ARSJ: variants seen among roughly 807,000 people sequenced by gnomAD.
ARSJ encodes arylsulfatase J.
A neutral mutation model predicts 35.9 loss-of-function variants in ARSJ; 26 were observed. The observed-to-expected ratio is 0.72, with a 90% CI of 0.53 to 1.00. The LOEUF (loss-of-function observed/expected upper bound fraction) is 1.00. Among genes scored for constraint, ARSJ ranks in the 50% least tolerant of loss-of-function variants. The probability of loss-of-function intolerance (pLI) is 0.00; values close to 1 mark genes in which losing one functional copy is unlikely to be tolerated. For synonymous variants in ARSJ, 294 were observed against 267.6 expected, an observed-to-expected ratio of 1.10 and a Z score of -0.96; for missense variants, 667 against 723.6, an observed-to-expected ratio of 0.92 and a Z score of 0.90.
intron 1 of ARSJ, among the ~76,000 whole-genome samples, chr4:113,907,115 A>G (rs1054775876): frequency 3.9e-5 from 6 of 152,234 alleles, no homozygotes; most frequent in African/African-American, 9.6e-5. Flanking sequence ...AAGAGTTAAT[A>G]TCAGTACTTT....
chr4:113,915,411 C>A (rs1259708705), intron 1 of ARSJ, among the ~76,000 whole-genome samples: 1 of 152,096 alleles, frequency 6.6e-6, no homozygotes, highest in Admixed American at 6.6e-5. Context: ...TAAAGCTACT[C>A]TCATTTAGAG....
chr4:113,928,733 A>T (rs764187001), intron 1 of ARSJ, among the ~76,000 whole-genome samples: 1 of 152,158 alleles, frequency 6.6e-6, no homozygotes, highest in Non-Finnish European at 1.5e-5. Flanking sequence ...CCACTGTTAG[A>T]TCTGACATAC....
chr4:113,947,791 T>C (rs1230887214), intron 1 of ARSJ, among the ~76,000 whole-genome samples: 1 of 152,186 alleles, frequency 6.6e-6, no homozygotes, highest in Non-Finnish European at 1.5e-5. Flanking sequence ...AGAAATTATA[T>C]ACTTTTTTAA....
intron 1 of ARSJ, among the ~76,000 whole-genome samples, chr4:113,969,639 T>C (rs1275431722): frequency 1.3e-5 from 2 of 152,188 alleles, no homozygotes; most frequent in Non-Finnish European, 2.9e-5. Context: ...ATGAAAACAA[T>C]GCATCTCAGA....
rs1189662232 is a variant in ARSJ, at chr4:113,978,859, C to A, written c.-25G>T. The A allele has an allele frequency of 6.4e-7, 1 of 1,564,870 alleles. No homozygotes were observed. The highest frequency in any genetic ancestry group is 8.6e-7 in the Non-Finnish European group (1 of 1,158,600). On this transcript the variant is annotated 5_prime_UTR_variant, in exon 1 of 2. Transcript: ENST00000315366. ...TTCACTCAGGTCCCAGGTGAGACTC[C>A]ACGCGGAGAACCACGCGCCCCGCGC...
At chr4:113,958,380 G>T (rs1208005389) in intron 1 of ARSJ, among the ~76,000 whole-genome samples, 2 of 152,016 alleles carry the variant, frequency 1.3e-5, no homozygotes, top group East Asian at 1.9e-4. Flanking sequence ...TGCATTACCA[G>T]CAGCACAAAA....
intron 1 of ARSJ, among the ~76,000 whole-genome samples, chr4:113,908,138 T>G (rs1046728770): frequency 1.3e-5 from 2 of 152,214 alleles, no homozygotes; most frequent in Middle Eastern, 6.3e-3. Flanking sequence ...ACATGACAAT[T>G]AAATGCAATA....
intron 1 of ARSJ, chr4:113,970,429 T>C (rs1727168164): frequency 6.6e-6 from 1 of 152,248 alleles, no homozygotes; most frequent in Non-Finnish European, 1.5e-5. Context: ...AATGTGGACA[T>C]TTGTGAAATA....
At chr4:113,967,485 G>T (rs1726966988) in intron 1 of ARSJ, among the ~76,000 whole-genome samples, 1 of 152,102 alleles carries the variant, frequency 6.6e-6, no homozygotes, top group African/African-American at 2.4e-5. Flanking sequence ...AGATAAGAAA[G>T]AATGGTCTTT....
At chr4:113,959,249 T>C (rs1288557086) in intron 1 of ARSJ, among the ~76,000 whole-genome samples, 3 of 151,998 alleles carry the variant, frequency 2.0e-5, no homozygotes, top group Non-Finnish European at 4.4e-5. Flanking sequence ...TAATTTCTGT[T>C]TACCCTCAGT....
In ARSJ at chr4:113,924,932, T is replaced by C. The variant is rs181579079; in HGVS notation, c.399-21257A>G. Among the ~76,000 whole-genome samples, 732 of 152,284 alleles carry C rather than the reference T, an allele frequency of 4.8e-3. 11 individuals are homozygous for C. The highest frequency in any genetic ancestry group is 0.017 in the African/African-American group (707 of 41,564). ...CAAGCACCTCAGCAGGTTGTGGTTT[T>C]TTTTCCTGGTGGACTGACCCAAACC... On this transcript the variant is annotated intron_variant, in intron 1 of 1. Transcript: ENST00000315366.
Position 113,978,974 on chromosome 4 carries a change from G to A in ARSJ, c.-140C>T. On this transcript the variant is annotated 5_prime_UTR_variant, in exon 1 of 2. Coordinates refer to ENST00000315366, the MANE Select transcript of ARSJ (RefSeq NM_024590.4). ...TCTCCTCTCAGCTGTCACCATGTCC[G>A]ACAACTTTAATCTTCCAGAAGTGAT... 2 of 879,984 alleles carry A rather than the reference G, an allele frequency of 2.3e-6. No homozygotes were observed. Among genetic ancestry groups the A allele is most frequent in the Non-Finnish European group, 3.4e-6 (2 of 586,688 alleles). 54.5% of individuals were successfully genotyped at this position (879,984 alleles called of 1,614,324 possible).
intron 1 of ARSJ, among the ~76,000 whole-genome samples, chr4:113,930,697 A>T (rs1594434662): frequency 1.3e-5 from 2 of 151,752 alleles, no homozygotes; most frequent in East Asian, 3.9e-4. Context: ...AGGACTATAA[A>T]TCATGCTGCT....
chr4:113,927,510 C>G (rs1317762343), intron 1 of ARSJ, among the ~76,000 whole-genome samples: 1 of 152,168 alleles, frequency 6.6e-6, no homozygotes, highest in Non-Finnish European at 1.5e-5. Flanking sequence ...TTGATTTACC[C>G]CTGACATAGG....
At chr4:113,940,299 C>T (rs1314584859) in intron 1 of ARSJ, among the ~76,000 whole-genome samples, 1 of 152,122 alleles carries the variant, frequency 6.6e-6, no homozygotes, top group Non-Finnish European at 1.5e-5. Flanking sequence ...ACATGGAATA[C>T]TATGCAGCCT....
chr4:113,978,480 G>A lies in ARSJ; in HGVS notation c.355C>T (p.Gln119Ter), dbSNP rs1325614279. 2 of 1,613,904 alleles carry A rather than the reference G, an allele frequency of 1.2e-6. No individual in the cohort carries two copies. The highest frequency in any genetic ancestry group is 1.7e-6 in the Non-Finnish European group (2 of 1,179,814). ...CTCCTGGATGGTGTGCAAATAGGCT[G>A]GACATAGTAGTTCTCCAGTTTAACT... ...EGVKLENYYV[Q>*]PICTPSRSQF... is the part of the protein sequence containing the mutation. The change falls in exon 1 of 2, where the codon CAG (glutamine) becomes TAG (stop). Residue 119 changes from glutamine (Q) to a stop codon, truncating the protein, a stop_gained. Transcript: ENST00000315366. LOFTEE classifies it high-confidence loss of function.
At chr4:113,921,681 T>A (rs1723689541) in intron 1 of ARSJ, among the ~76,000 whole-genome samples, 1 of 152,132 alleles carries the variant, frequency 6.6e-6, no homozygotes, top group African/African-American at 2.4e-5. Context: ...TAATTCAACT[T>A]GTAACATAGC....
At chr4:113,949,490 C>T (rs1725720270) in intron 1 of ARSJ, among the ~76,000 whole-genome samples, 1 of 151,986 alleles carries the variant, frequency 6.6e-6, no homozygotes, top group East Asian at 1.9e-4. Context: ...GGCTCATGGA[C>T]ACAACTTGAG....
At chr4:113,973,028 G>C (rs1478961521) in intron 1 of ARSJ, among the ~76,000 whole-genome samples, 2 of 152,112 alleles carry the variant, frequency 1.3e-5, no homozygotes, top group Non-Finnish European at 2.9e-5. Context: ...GGCCTTTCCG[G>C]AACCTGATCC....
Sources: allele counts gnomAD v4.1 joint callset (sites outside exome capture counted in the v4.1 genomes callset), GRCh38; gene constraint gnomAD v4.1.1; transcripts MANE v1.5; gene names NCBI Gene and HGNC (gene_info 2026-07-23, HGNC 2026-07-21).